The following CNTLN variants were observed in gnomAD, a reference collection of about 807,000 sequenced individuals.
CNTLN encodes the protein centlein.
Under a neutral mutation model 180.0 loss-of-function variants are expected in CNTLN, and 212 were observed. The observed-to-expected ratio is 1.18, with a 90% CI of 1.05 to 1.32. The LOEUF (loss-of-function observed/expected upper bound fraction) is 1.32, where lower values mean the gene tolerates loss of function less well. CNTLN is among the 40% of genes most tolerant of loss of function. The pLI, the probability that CNTLN is intolerant of heterozygous loss-of-function variation, is 0.00. For missense variants in CNTLN, 2,095 were observed against 1,610.9 expected (o/e 1.30, Z -5.14); for synonymous variants, 722 against 563.1 (o/e 1.28, Z -3.99).
chr9:17,474,867 CA>C (rs1277854068), intron 23 of CNTLN, among the ~76,000 whole-genome samples: 2,831 of 115,246 alleles, frequency 0.025, 22 homozygotes, highest in Non-Finnish European at 0.03. Flanking sequence ...GACTCCACCT[CA>C]AAAAAAAAAA....
At chr9:17,153,505 G>C (rs553439916) in intron 2 of CNTLN, among the ~76,000 whole-genome samples, 98 of 152,172 alleles carry the variant, frequency 6.4e-4, no homozygotes, top group Admixed American at 2.7e-3. Flanking sequence ...CTGGCTTGTA[G>C]GGTTTCTCCA....
the CNTLN span, among the ~76,000 whole-genome samples, chr9:17,528,077 A>G: frequency 2.6e-5 from 4 of 152,108 alleles, no homozygotes; most frequent in East Asian, 3.9e-4. Context: ...GAAAATAAAG[A>G]TAGAAGAAAC....
In CNTLN at chr9:17,203,475, C is replaced by T. The variant is rs181843915; in HGVS notation, c.450-22728C>T. ...GTCACTTTACGGTACACCAATCATT[C>T]GTAGGTTTGGTCTTGTCACATAGTG... On this transcript the variant is annotated intron_variant, in intron 2 of 25. Transcript: ENST00000380647. Among the ~76,000 whole-genome samples, 784 of 152,218 alleles carry T rather than the reference C, an allele frequency of 5.2e-3. 5 individuals carry two copies. The highest frequency in any genetic ancestry group is 8.0e-3 in the Admixed American group (122 of 15,300).
Position 17,339,535 on chromosome 9 carries a change from T to C in CNTLN, c.1645-1292T>C, listed in dbSNP as rs537463739. 3.3e-5 allele frequency among the ~76,000 whole-genome samples: 5 copies of C among 152,346 alleles called. No homozygotes were observed. In the East Asian group the frequency reaches 7.7e-4, roughly 23 times the overall value. On this transcript the variant is annotated intron_variant, in intron 10 of 25. Transcript: ENST00000380647. ...AATGGTGTTCTTAAGATAATGCCAC[T>C]AACAGGAGCAAGCTCCAAGAATGGA...
intron 23 of CNTLN, 113 bp from the exon 24 acceptor site, chr9:17,484,182 G>T: frequency 1.2e-6 from 1 of 834,246 alleles, no homozygotes; most frequent in Non-Finnish European, 1.9e-6. Flanking sequence ...ATTAAAACCA[G>T]AGTAATCCTA....
At chr9:17,189,129 CTGGAGTGCAG>C (rs1351793130) in intron 2 of CNTLN, among the ~76,000 whole-genome samples, 3 of 126,212 alleles carry the variant, frequency 2.4e-5, no homozygotes, top group Non-Finnish European at 4.7e-5. Flanking sequence ...GTCGCCCAAG[CTGGAGTGCAG>C]TGGCGTGATC....
chr9:17,290,301 G>A (rs1563961703), intron 6 of CNTLN, among the ~76,000 whole-genome samples: 3 of 151,724 alleles, frequency 2.0e-5, no homozygotes, highest in Non-Finnish European at 4.4e-5. Context: ...GCTGGGGGGT[G>A]CCTCCCAGTT....
chr9:17,439,291 T>C (rs571951870), intron 18 of CNTLN, among the ~76,000 whole-genome samples: 1 of 152,180 alleles, frequency 6.6e-6, no homozygotes, highest in Admixed American at 6.5e-5. Context: ...TAAGTATTTA[T>C]CAAAAATGTT....
At chr9:17,487,710 A>G (rs1300190624) in intron 25 of CNTLN, among the ~76,000 whole-genome samples, 1 of 152,088 alleles carries the variant, frequency 6.6e-6, no homozygotes, top group Non-Finnish European at 1.5e-5. Context: ...AGACGAGTTG[A>G]AATCCCTGAG....
chr9:17,515,605 CA>C, the CNTLN span, among the ~76,000 whole-genome samples: 1 of 152,002 alleles, frequency 6.6e-6, no homozygotes, highest in Non-Finnish European at 1.5e-5. Flanking sequence ...TTTGTTAGGC[CA>C]AAAAATCTTA....
chr9:17,463,719 A>G (rs536614912), intron 20 of CNTLN, among the ~76,000 whole-genome samples: 8 of 151,770 alleles, frequency 5.3e-5, no homozygotes, highest in African/African-American at 1.7e-4. Context: ...TTATTTATCA[A>G]TTAAGAGTAA....
chr9:17,191,260 GT>G (rs1305496609), intron 2 of CNTLN, among the ~76,000 whole-genome samples: 19 of 152,256 alleles, frequency 1.2e-4, no homozygotes, highest in Middle Eastern at 6.8e-3. Context: ...CTCTGTGTTT[GT>G]TTTTTATCAC....
rs1052677901 is a variant in CNTLN at position 17,342,503 on chromosome 9, T to C, written c.1886+59T>C. On this transcript the variant is annotated intron_variant, in intron 12 of 25. Coordinates refer to ENST00000380647, the MANE Select transcript of CNTLN (RefSeq NM_017738.4). ...AAAATACTTGGGAGAAATTTTTTCA[T>C]GGCTTAAAAGCTATTAAAGAAACAC... 8 of 1,473,592 alleles carry C rather than the reference T, an allele frequency of 5.4e-6. No homozygotes were observed. The African/African-American group carries it at 8.6e-5, about 16-fold the overall frequency. 91.3% of individuals were successfully genotyped at this position (1,473,592 alleles called of 1,614,324 possible).
intron 5 of CNTLN, among the ~76,000 whole-genome samples, chr9:17,256,780 T>C (rs1277411777): frequency 6.6e-6 from 1 of 151,862 alleles, no homozygotes; most frequent in African/African-American, 2.4e-5. Flanking sequence ...ATTTGGGGAT[T>C]TCTTTATCCA....
At chr9:17,203,714 G>A (rs1482184500) in intron 2 of CNTLN, among the ~76,000 whole-genome samples, 1 of 151,990 alleles carries the variant, frequency 6.6e-6, no homozygotes, top group South Asian at 2.1e-4. Flanking sequence ...CCGCCACCAC[G>A]CCCGGCTAAT....
chr9:17,408,673 C>T (rs145456404), intron 15 of CNTLN, among the ~76,000 whole-genome samples: 1,792 of 152,010 alleles, frequency 0.012, 40 homozygotes, highest in African/African-American at 0.041. Flanking sequence ...TGGTGATGGG[C>T]GCCTGTAGTC....
intron 8 of CNTLN, among the ~76,000 whole-genome samples, chr9:17,309,769 G>A (rs1818996086): frequency 6.6e-6 from 1 of 152,046 alleles, no homozygotes; most frequent in African/African-American, 2.4e-5. Flanking sequence ...GGATCTGGTT[G>A]CAGAGCTTAG....
intron 5 of CNTLN, among the ~76,000 whole-genome samples, chr9:17,236,995 C>T (rs1825185862): frequency 2.6e-5 from 4 of 151,934 alleles, no homozygotes; most frequent in Admixed American, 1.3e-4. Context: ...AACAGTTAAA[C>T]AATACAAATA....
chr9:17,247,777 T>C (rs2132248717), intron 5 of CNTLN, among the ~76,000 whole-genome samples: 1 of 142,296 alleles, frequency 7.0e-6, no homozygotes, highest in South Asian at 2.3e-4. Context: ...CAAATACTTT[T>C]ACTTTTTTTT....
Sources: gnomAD v4.1 joint callset for allele counts (sites outside exome capture counted in the v4.1 genomes callset) on GRCh38, gnomAD v4.1.1 for gene constraint, MANE v1.5 for transcripts, NCBI Gene and HGNC (gene_info 2026-07-23, HGNC 2026-07-21) for gene names.